The following CACNB2 variants were observed in gnomAD, a reference collection of about 807,000 sequenced individuals.
CACNB2 encodes the protein voltage-dependent L-type calcium channel subunit beta-2.
A neutral mutation model predicts 73.3 loss-of-function variants in CACNB2; 42 were observed. The ratio of observed to expected loss-of-function variants is 0.57; its 90% CI spans 0.45 to 0.74. The LOEUF (loss-of-function observed/expected upper bound fraction) is 0.74, where lower values mean the gene tolerates loss of function less well. Ranked by LOEUF, CACNB2 falls within the 30% of genes least tolerant of loss-of-function variation. The pLI, the probability that CACNB2 is intolerant of heterozygous loss-of-function variation, is 0.00. For missense variants in CACNB2, 940 were observed against 853.0 expected (o/e 1.10, Z -1.27); for synonymous variants, 348 against 310.3 (o/e 1.12, Z -1.28).
intron 2 of CACNB2, among the ~76,000 whole-genome samples, chr10:18,316,439 A>G (rs2040186594): frequency 6.7e-6 from 1 of 148,782 alleles, no homozygotes; most frequent in African/African-American, 2.5e-5. Context: ...ATAACTAGAA[A>G]AGGTCTTTCT....
chr10:18,235,822 C>T (rs2036419530), intron 2 of CACNB2, among the ~76,000 whole-genome samples: 1 of 152,074 alleles, frequency 6.6e-6, no homozygotes, highest in African/African-American at 2.4e-5. Context: ...CCACCCAAAT[C>T]TCATGTGGGA....
intron 2 of CACNB2, among the ~76,000 whole-genome samples, chr10:18,336,717 G>A (rs1402993502): frequency 3.9e-5 from 6 of 152,118 alleles, no homozygotes; most frequent in Admixed American, 2.6e-4. Flanking sequence ...TATATTGGAC[G>A]AATTCATTTG....
chr10:18,488,062 G>C (rs148748523), intron 3 of CACNB2, among the ~76,000 whole-genome samples: 20,588 of 151,108 alleles, frequency 0.14, 1,599 homozygotes, highest in Admixed American at 0.18. Context: ...GCTTGCCTCG[G>C]CCTCCCAAAG....
Position 18,422,457 on chromosome 10 carries a change from G to A in CACNB2, c.333+20414G>A, listed in dbSNP as rs531548427. On this transcript the variant is annotated intron_variant, in intron 3 of 13. Transcript: ENST00000324631. ...AATGATATATGAAATGTTTGCAGCAGCAGAACTTTTTCCTGCCCAAAGGTT... is the reference window on the plus strand; with the variant it reads ...AATGATATATGAAATGTTTGCAGCAACAGAACTTTTTCCTGCCCAAAGGTT... 5.9e-5 allele frequency among the ~76,000 whole-genome samples: 9 copies of A among 152,308 alleles called. No individual in the cohort carries two copies. The East Asian group carries it at 1.7e-3, about 29-fold the overall frequency.
chr10:18,478,626 G>A (rs1009759983), intron 3 of CACNB2, among the ~76,000 whole-genome samples: 5 of 152,150 alleles, frequency 3.3e-5, no homozygotes, highest in South Asian at 2.1e-4. Flanking sequence ...ACATGCACAC[G>A]GGGAGAATCT....
chr10:18,324,823 C>G (rs2040521751), intron 2 of CACNB2, among the ~76,000 whole-genome samples: 1 of 152,146 alleles, frequency 6.6e-6, no homozygotes, highest in Non-Finnish European at 1.5e-5. Flanking sequence ...GCCATTGCAC[C>G]CCAGCCTGGA....
chr10:18,469,328 G>A lies in CACNB2; in HGVS notation c.334-29027G>A, dbSNP rs550786963. 4.6e-5 allele frequency among the ~76,000 whole-genome samples: 7 copies of A among 152,290 alleles called. No homozygotes were observed. In the South Asian group the frequency reaches 1.5e-3, roughly 32 times the overall value. On this transcript the variant is annotated intron_variant, in intron 3 of 13. Coordinates refer to ENST00000324631, the MANE Select transcript of CACNB2 (RefSeq NM_201596.3). ...AGCACCATGGACATCGCCATTGGAT[G>A]GGTTGGTTTTTATCATTCCTTCCTT...
intron 2 of CACNB2, among the ~76,000 whole-genome samples, chr10:18,362,450 G>GT (rs145772854): frequency 9.8e-4 from 149 of 152,058 alleles, no homozygotes; most frequent in African/African-American, 3.4e-3. Flanking sequence ...TTTCCTCCTT[G>GT]TTTTTTTCCC....
At chr10:18,348,879 G>C (rs1294603651) in intron 2 of CACNB2, among the ~76,000 whole-genome samples, 2 of 152,188 alleles carry the variant, frequency 1.3e-5, no homozygotes, top group Non-Finnish European at 2.9e-5. Flanking sequence ...AGCACTTTAG[G>C]AGGCCAAGGT....
chr10:18,496,366 A>G (rs1471237789), intron 3 of CACNB2, among the ~76,000 whole-genome samples: 1 of 152,152 alleles, frequency 6.6e-6, no homozygotes, highest in Non-Finnish European at 1.5e-5. Context: ...GACAAGAGGC[A>G]GGTAGAACAA....
chr10:18,374,659 T>C (rs1706792096), intron 2 of CACNB2, among the ~76,000 whole-genome samples: 1 of 152,174 alleles, frequency 6.6e-6, no homozygotes, highest in Admixed American at 6.5e-5. Flanking sequence ...TAGATAGGCT[T>C]TTTGTATTCT....
intron 3 of CACNB2, among the ~76,000 whole-genome samples, chr10:18,403,280 C>T (rs1564510833): frequency 2.6e-5 from 4 of 152,124 alleles, no homozygotes; most frequent in African/African-American, 9.6e-5. Context: ...ATGTTAGCCA[C>T]GTAGAACATT....
At chr10:18,312,861 T>C (rs956152632) in intron 2 of CACNB2, among the ~76,000 whole-genome samples, 7 of 152,174 alleles carry the variant, frequency 4.6e-5, no homozygotes, top group African/African-American at 1.7e-4. Context: ...TCTCCTGACA[T>C]TGACTTTTTT....
chr10:18,208,573 C>G (rs1419825603), intron 2 of CACNB2, among the ~76,000 whole-genome samples: 3 of 152,048 alleles, frequency 2.0e-5, no homozygotes, highest in Non-Finnish European at 4.4e-5. Flanking sequence ...GATCGTGCCA[C>G]TGCACTCTAG....
At chr10:18,422,833 C>T (rs754125794) in intron 3 of CACNB2, among the ~76,000 whole-genome samples, 24 of 152,012 alleles carry the variant, frequency 1.6e-4, no homozygotes, top group Non-Finnish European at 2.5e-4. Flanking sequence ...CAAGTAGCTG[C>T]GATTATAGGC....
chr10:18,210,577 G>A (rs2035278047), intron 2 of CACNB2, among the ~76,000 whole-genome samples: 1 of 152,084 alleles, frequency 6.6e-6, no homozygotes, highest in South Asian at 2.1e-4. Flanking sequence ...CTCTCCACCT[G>A]TATAACGCTG....
At chr10:18,260,464 T>C in intron 2 of CACNB2, 2 of 985,320 alleles carry the variant, frequency 2.0e-6, no homozygotes, top group Admixed American at 6.1e-5. Context: ...ACCAAACAAC[T>C]GTGCGCCGCA....
At position 18,534,228 on chromosome 10, in the gene CACNB2, G is replaced by A. The variant is rs1156335527; in HGVS notation, c.1206+1G>A. ...ATATGTAAAGATTTCTTCTCCTAAG[G>A]TAAGTAGGACTGCTACTGTTTGCTC... is the stretch of plus-strand genomic sequence containing the variant. On this transcript the variant is annotated splice_donor_variant, in intron 11 of 13. Transcript: ENST00000324631. LOFTEE classifies it high-confidence loss of function. 6.2e-7 allele frequency: 1 copy of A among 1,609,832 alleles called. No homozygotes were observed. Among genetic ancestry groups the A allele is most frequent in the Non-Finnish European group, 8.5e-7 (1 of 1,176,180 alleles).
chr10:18,490,086 C>G (rs907216369), intron 3 of CACNB2, among the ~76,000 whole-genome samples: 1 of 152,116 alleles, frequency 6.6e-6, no homozygotes, highest in Admixed American at 6.6e-5. Context: ...CCATGTTGCC[C>G]TGGCTGGTCT....
Sources: allele counts gnomAD v4.1 joint callset (sites outside exome capture counted in the v4.1 genomes callset), GRCh38; gene constraint gnomAD v4.1.1; transcripts MANE v1.5; gene names NCBI Gene and HGNC (gene_info 2026-07-23, HGNC 2026-07-21).